The following SCOC variants were observed in gnomAD, a reference collection of about 807,000 sequenced individuals.
SCOC encodes the protein short coiled coil protein.
Under a neutral mutation model 9.9 loss-of-function variants are expected in SCOC, and 7 were observed. The observed-to-expected ratio is 0.71, with a 90% CI of 0.40 to 1.33. The LOEUF is 1.33. Ranked by LOEUF, SCOC falls within the 40% of genes most tolerant of loss-of-function variation. The probability of loss-of-function intolerance (pLI) is 0.01; values close to 1 mark genes in which losing one functional copy is unlikely to be tolerated. For synonymous variants in SCOC, 19 were observed against 28.2 expected (o/e 0.67, Z 1.03); for missense variants, 66 against 89.7 (o/e 0.74, Z 1.07).
intron 1 of SCOC, among the ~76,000 whole-genome samples, chr4:140,288,321 C>G (rs1241737032): frequency 6.6e-6 from 1 of 151,982 alleles, no homozygotes. Context: ...CACATATACA[C>G]CTACATAAAT....
At chr4:140,354,007 T>C (rs778445154) in intron 2 of SCOC, among the ~76,000 whole-genome samples, 3 of 152,266 alleles carry the variant, frequency 2.0e-5, no homozygotes, top group Non-Finnish European at 4.4e-5. Flanking sequence ...AGTGTGACGT[T>C]AGTAAAAGTT....
At chr4:140,287,084 CATAT>C (rs1331774475) in intron 1 of SCOC, among the ~76,000 whole-genome samples, 3 of 152,060 alleles carry the variant, frequency 2.0e-5, no homozygotes, top group Non-Finnish European at 2.9e-5. Context: ...AGACCATGCA[CATAT>C]AGATACCATA....
chr4:140,308,137 A>G (rs1438507680), intron 1 of SCOC, among the ~76,000 whole-genome samples: 2 of 152,176 alleles, frequency 1.3e-5, no homozygotes, highest in Non-Finnish European at 2.9e-5. Flanking sequence ...GTTTAGTGCT[A>G]TTGCCACAAT....
At chr4:140,269,780 T>C (rs1181066566) in intron 1 of SCOC, among the ~76,000 whole-genome samples, 3 of 152,198 alleles carry the variant, frequency 2.0e-5, no homozygotes, top group Non-Finnish European at 4.4e-5. Flanking sequence ...AGACAGGGTC[T>C]TGCTCTGTCA....
At chr4:140,269,860 C>G (rs796779509) in intron 1 of SCOC, among the ~76,000 whole-genome samples, 3 of 152,086 alleles carry the variant, frequency 2.0e-5, no homozygotes, top group Non-Finnish European at 4.4e-5. Flanking sequence ...AAGCGAGTCT[C>G]CCACCTCAGC....
intron 1 of SCOC, among the ~76,000 whole-genome samples, chr4:140,311,670 G>A (rs1732159750): frequency 6.6e-6 from 1 of 152,118 alleles, no homozygotes; most frequent in South Asian, 2.1e-4. Flanking sequence ...GTGCCTTGGG[G>A]TCAGACTGCT....
At chr4:140,262,164 G>C (rs1010084832) in intron 1 of SCOC, among the ~76,000 whole-genome samples, 1 of 152,106 alleles carries the variant, frequency 6.6e-6, no homozygotes, top group East Asian at 1.9e-4. Context: ...GTTTGACCAG[G>C]GTCTCTATTA....
chr4:140,293,354 T>G (rs1183694445), intron 1 of SCOC: 1 of 456,778 alleles, frequency 2.2e-6, no homozygotes, highest in African/African-American at 2.0e-5. Context: ...TCACTCCTGG[T>G]GTGTCTTGTG....
chr4:140,262,725 G>A (rs1169183788), intron 1 of SCOC, among the ~76,000 whole-genome samples: 1 of 152,120 alleles, frequency 6.6e-6, no homozygotes, highest in African/African-American at 2.4e-5. Context: ...TCCACATGCT[G>A]TACAGGAGGC....
chr4:140,347,640 G>A (rs978027378), intron 2 of SCOC, among the ~76,000 whole-genome samples: 1 of 152,036 alleles, frequency 6.6e-6, no homozygotes, highest in East Asian at 1.9e-4. Context: ...CTCACCGCCC[G>A]TTGCTATATC....
chr4:140,319,505 GA>G (rs965632484), intron 1 of SCOC, among the ~76,000 whole-genome samples: 5 of 149,862 alleles, frequency 3.3e-5, no homozygotes, highest in East Asian at 3.9e-4. Flanking sequence ...ATACAGAAAA[GA>G]AAAAAAAATA....
chr4:140,345,333 C>T (rs1398037222), intron 2 of SCOC, among the ~76,000 whole-genome samples: 1 of 152,066 alleles, frequency 6.6e-6, no homozygotes, highest in East Asian at 1.9e-4. Context: ...TGGAGCTGGT[C>T]CAGCATAATA....
chr4:140,341,501 C>T (rs955125891), upstream of SCOC, among the ~76,000 whole-genome samples: 1 of 152,128 alleles, frequency 6.6e-6, no homozygotes, highest in Non-Finnish European at 1.5e-5. Context: ...AATATTAGTG[C>T]CTACCTGTAG....
intron 1 of SCOC, among the ~76,000 whole-genome samples, chr4:140,270,838 A>G (rs1730828420): frequency 6.6e-6 from 1 of 152,196 alleles, no homozygotes; most frequent in Admixed American, 6.5e-5. Flanking sequence ...GAATTAGAAT[A>G]AAAAGACCTG....
chr4:140,374,037 C>G, intron 1 of SCOC: 1 of 540,318 alleles, frequency 1.9e-6, no homozygotes, highest in Non-Finnish European at 3.5e-6. Flanking sequence ...CTTTGCAGCT[C>G]TCGGCTCTGG....
chr4:140,322,407 C>T (rs755966599), intron 1 of SCOC, among the ~76,000 whole-genome samples: 7 of 152,042 alleles, frequency 4.6e-5, no homozygotes, highest in Non-Finnish European at 7.4e-5. Context: ...TGGTCATGAA[C>T]GGAATGCTGG....
At chr4:140,323,311 A>G (rs80217891) in intron 1 of SCOC, among the ~76,000 whole-genome samples, 2,533 of 152,226 alleles carry the variant, frequency 0.017, 71 homozygotes, top group African/African-American at 0.058. Flanking sequence ...CCATGAGTAA[A>G]AACTTCCTCA....
At chr4:140,293,983 T>G (rs1731550439) in intron 1 of SCOC, among the ~76,000 whole-genome samples, 1 of 152,182 alleles carries the variant, frequency 6.6e-6, no homozygotes, top group African/African-American at 2.4e-5. Flanking sequence ...CAGCCATAAC[T>G]TTTTTACTCC....
At chr4:140,354,475 G>A (rs1727119400) in intron 2 of SCOC, among the ~76,000 whole-genome samples, 1 of 151,120 alleles carries the variant, frequency 6.6e-6, no homozygotes, top group Admixed American at 6.6e-5. Flanking sequence ...AATTGCCCTG[G>A]GAGAGCCTAC....
Sources: gnomAD v4.1 joint callset for allele counts (sites outside exome capture counted in the v4.1 genomes callset) on GRCh38, gnomAD v4.1.1 for gene constraint, MANE v1.5 for transcripts, NCBI Gene and HGNC (gene_info 2026-07-23, HGNC 2026-07-21) for gene names.